GEN1: variants seen among roughly 807,000 people sequenced by gnomAD.
The protein encoded by GEN1 is flap endonuclease GEN homolog 1.
A neutral mutation model predicts 67.6 loss-of-function variants in GEN1; 64 were observed. The ratio of observed to expected loss-of-function variants is 0.95; its 90% confidence interval spans 0.77 to 1.17. The LOEUF (loss-of-function observed/expected upper bound fraction) is 1.17. Among genes scored for constraint, GEN1 ranks in the 50% most tolerant of loss-of-function variants. GEN1 has a pLI of 0.00. For synonymous variants in GEN1, 371 were observed against 359.4 expected (o/e 1.03, Z -0.37); for missense variants, 1,058 against 1,048.3 (o/e 1.01, Z -0.13).
At chr2:17,762,911 G>T (rs1238173577) in intron 3 of GEN1, among the ~76,000 whole-genome samples, 1 of 152,174 alleles carries the variant, frequency 6.6e-6, no homozygotes, top group Admixed American at 6.5e-5. Flanking sequence ...AAGAACATTG[G>T]ATGTTAGGAG....
At chr2:17,780,238 C>T (rs1672760155) in intron 13 of GEN1, 117 bp downstream of exon 13, 2 of 793,174 alleles carry the variant, frequency 2.5e-6, no homozygotes, top group Admixed American at 2.8e-5. Context: ...ACTCAAAAGT[C>T]AAGAATTGTA....
At chr2:17,761,358 G>A (rs1476024557) in intron 2 of GEN1, 38 bp from the exon 3 acceptor site, 3 of 1,154,852 alleles carry the variant, frequency 2.6e-6, no homozygotes. Context: ...TACTATCAGT[G>A]TTTGATGATT....
chr2:17,775,590 A>G (rs1229421499), intron 11 of GEN1, among the ~76,000 whole-genome samples: 1 of 152,224 alleles, frequency 6.6e-6, no homozygotes. Flanking sequence ...CAATCAGGCA[A>G]CAATCATCAA....
At chr2:17,762,478 A>G (rs887041780) in intron 3 of GEN1, among the ~76,000 whole-genome samples, 35 of 151,980 alleles carry the variant, frequency 2.3e-4, no homozygotes, top group African/African-American at 8.5e-4. Context: ...AAGTGCTGGG[A>G]TTACAGGTGT....
intron 6 of GEN1, 137 bp downstream of exon 6, chr2:17,768,948 G>T: frequency 2.0e-6 from 1 of 488,390 alleles, no homozygotes; most frequent in South Asian, 4.7e-5. Context: ...TTTGATTTAA[G>T]ATAATTTATT....
chr2:17,765,828 C>T (rs1258377511), intron 4 of GEN1, among the ~76,000 whole-genome samples: 2 of 151,950 alleles, frequency 1.3e-5, no homozygotes, highest in South Asian at 2.1e-4. Context: ...ACTTAAAAAA[C>T]GTAATTAACA....
rs1673017140 is a variant in GEN1, at chr2:17,785,187, G to C, written c.*3248G>C. 6.6e-6 allele frequency: 1 copy of C among 152,230 alleles called. No individual in the cohort carries two copies. The highest frequency in any genetic ancestry group is 2.4e-5 in the African/African-American group (1 of 41,452). The allele number at this position is 152,230 out of a possible 1,614,324, so 9.4% of individuals were successfully genotyped here. A position where few individuals can be genotyped will look rare whatever the true frequency, so the allele number is the denominator to read the frequency against. On this transcript the variant is annotated 3_prime_UTR_variant, in exon 14 of 14. Coordinates refer to ENST00000381254, the MANE Select transcript of GEN1 (RefSeq NM_001130009.3). Reference sequence around the variant, plus strand: ...CGTGGAAAAACTGTTTTCCACGAAAGTGGTCCTCGGTGCCAGAAAGGTTGG... The same window carrying C: ...CGTGGAAAAACTGTTTTCCACGAAACTGGTCCTCGGTGCCAGAAAGGTTGG...
rs201202527 is a variant in GEN1 at position 17,772,689 on chromosome 2, T to C, written c.858T>C (p.Tyr286=). 2.5e-6 allele frequency: 4 copies of C among 1,612,546 alleles called. No individual in the cohort carries two copies. Among genetic ancestry groups the C allele is most frequent in the African/African-American group, 1.3e-5 (1 of 74,970 alleles). Residue 286 remains tyrosine (Y), a synonymous_variant, in exon 8 of 14, where the codon TAT becomes TAC. Transcript: ENST00000381254. ...NGCRLCKSDK[Y]CEPHDYEYCC... ...GCAGATTATGTAAAAGTGATAAATA[T>C]TGTGAGCCACATGACTATGAATACT... is the stretch of plus-strand genomic sequence containing the variant.
At chr2:17,778,189 C>CACACACATATATGTGTATATATGTAT (rs1558408583) in intron 12 of GEN1, 126 bp downstream of exon 12, 10 of 322,728 alleles carry the variant, frequency 3.1e-5, no homozygotes, top group African/African-American at 1.4e-4. Context: ...TATATATATA[C>CACACACATATATGTGTATATATGTAT]ACACACACAT....
At chr2:17,779,534 A>G (rs1299379128) in intron 12 of GEN1, among the ~76,000 whole-genome samples, 1 of 152,274 alleles carries the variant, frequency 6.6e-6, no homozygotes, top group African/African-American at 2.4e-5. Flanking sequence ...TTATAAAGCA[A>G]GATTTGCAAT....
chr2:17,767,691 C>T lies in GEN1; in HGVS notation c.636+1002C>T, dbSNP rs371993431. 6.6e-6 allele frequency among the ~76,000 whole-genome samples: 1 copy of T among 152,162 alleles called. No homozygotes were observed. Among genetic ancestry groups the T allele is most frequent in the Non-Finnish European group, 1.5e-5 (1 of 68,030 alleles). The stretch of plus-strand genomic sequence containing the variant: ...TTAAGAAAAAATTTGCTGACTTGAA[C>T]TCACAGAAACCAACTTTAGCTACAG... On this transcript the variant is annotated intron_variant, in intron 5 of 13. Transcript: ENST00000381254.
At position 17,781,850 on chromosome 2, in the gene GEN1, T is replaced by C. The variant is rs1459275200; in HGVS notation, c.2638T>C (p.Cys880Arg). Residue 880 changes from cysteine (C) to arginine (R), a missense_variant, in exon 14 of 14, where the codon TGT becomes CGT. Physicochemically the swap from Cys to Arg is radical, Grantham distance 180 (BLOSUM62 -3). Transcript: ENST00000381254. ...STKSSLSSLQ[C>R]HKKENNSGTC... ...AAAAAGTTCTCTGAGTTCTCTACAA[T>C]GTCATAAGAAAGAAAACAACTCTGG... The C allele has an allele frequency of 6.2e-7, 1 of 1,606,992 alleles. No individual in the cohort carries two copies. Among genetic ancestry groups the C allele is most frequent in the African/African-American group, 1.3e-5 (1 of 74,294 alleles).
chr2:17,767,140 A>G (rs994344998), intron 5 of GEN1, among the ~76,000 whole-genome samples: 11 of 152,110 alleles, frequency 7.2e-5, no homozygotes, highest in Non-Finnish European at 1.5e-4. Context: ...TCATATTTCC[A>G]TGCCTCTCAG....
intron 12 of GEN1, among the ~76,000 whole-genome samples, chr2:17,778,585 A>G (rs1055467591): frequency 6.8e-6 from 1 of 147,528 alleles, no homozygotes; most frequent in African/African-American, 2.6e-5. Flanking sequence ...TAAATATGAT[A>G]AACTTTGATT....
intron 4 of GEN1, 34 bp downstream of exon 4, chr2:17,765,107 T>G (rs936827858): frequency 6.3e-7 from 1 of 1,597,456 alleles, no homozygotes; most frequent in Non-Finnish European, 8.6e-7. Context: ...CAGCATTTGT[T>G]TACGAACTAC....
intron 3 of GEN1, among the ~76,000 whole-genome samples, chr2:17,764,103 C>T (rs1253300193): frequency 2.6e-5 from 4 of 152,244 alleles, no homozygotes; most frequent in African/African-American, 9.6e-5. Context: ...ATTCATAAAC[C>T]AGAGGAAAGT....
At position 17,784,967 on chromosome 2, in the gene GEN1, G is replaced by A. The variant is rs978450817; in HGVS notation, c.*3028G>A. 4 of 152,268 alleles carry A rather than the reference G, an allele frequency of 2.6e-5. No homozygotes were observed. Among genetic ancestry groups the A allele is most frequent in the Non-Finnish European group, 4.4e-5 (3 of 68,122 alleles). The allele number at this position is 152,268 out of a possible 1,614,324, so 9.4% of individuals were successfully genotyped here. A position where few individuals can be genotyped will look rare whatever the true frequency, so the allele number is the denominator to read the frequency against. ...CCGGCCTGCACAGCAGGTGTTGAGC[G>A]GCATGCAAGCGAGAATTACCGCCTG... On this transcript the variant is annotated 3_prime_UTR_variant, in exon 14 of 14. Coordinates refer to ENST00000381254, the MANE Select transcript of GEN1 (RefSeq NM_001130009.3).
At position 17,780,140 on chromosome 2, in the gene GEN1, A is replaced by G. The variant is rs377587080; in HGVS notation, c.1408+19A>G. The G allele has an allele frequency of 5.6e-6, 9 of 1,600,110 alleles. No homozygotes were observed. In the African/African-American group the frequency reaches 9.4e-5, roughly 17 times the overall value. ...CAAAAACGTAAGTTTTGGGTTTGAT[A>G]GCTATTTATGCCACATGCAAATGTT... On this transcript the variant is annotated intron_variant, in intron 13 of 13. Coordinates refer to ENST00000381254, the MANE Select transcript of GEN1 (RefSeq NM_001130009.3).
chr2:17,754,604 C>T (rs1320692359), intron 1 of GEN1: 1 of 152,300 alleles, frequency 6.6e-6, no homozygotes, highest in Admixed American at 6.5e-5. Flanking sequence ...GCCGAAGCTG[C>T]TGGGTCCCGC....
Sources: gnomAD v4.1 joint callset for allele counts (sites outside exome capture counted in the v4.1 genomes callset) on GRCh38, gnomAD v4.1.1 for gene constraint, MANE v1.5 for transcripts, NCBI Gene and HGNC (gene_info 2026-07-23, HGNC 2026-07-21) for gene names.